The following RAB5A variants were observed in gnomAD, a reference collection of about 807,000 sequenced individuals.
RAB5A encodes ras-related protein Rab-5A.
RAB5A carries 8 observed loss-of-function variants against 25.7 expected under a neutral mutation model. The observed-to-expected ratio is 0.31, with a 90% CI of 0.18 to 0.56. The LOEUF is 0.56. Among genes scored for constraint, RAB5A ranks in the 20% least tolerant of loss-of-function variants. The probability of loss-of-function intolerance (pLI) is 0.91; values close to 1 mark genes in which losing one functional copy is unlikely to be tolerated. For missense variants in RAB5A, 192 were observed against 259.7 expected, an observed-to-expected ratio of 0.74 and a Z score of 1.79; for synonymous variants, 98 against 89.8, an observed-to-expected ratio of 1.09 and a Z score of -0.52.
intron 1 of RAB5A, 48 bp from the exon 2 acceptor site, chr3:19,950,758 A>G: frequency 1.3e-6 from 1 of 789,594 alleles, no homozygotes; most frequent in East Asian, 2.7e-5. Context: ...TTAATAGTAA[A>G]TTTGCTTTAC....
chr3:19,974,345 G>C (rs1696792164), intron 2 of RAB5A, among the ~76,000 whole-genome samples: 2 of 152,010 alleles, frequency 1.3e-5, no homozygotes, highest in Non-Finnish European at 2.9e-5. Context: ...AGTAGAGACA[G>C]GGTTTCACCA....
In RAB5A at chr3:19,978,383, A is replaced by T. The variant is rs1559492752; in HGVS notation, c.512A>T (p.Asn171Ile). The change falls in exon 5 of 6, where the codon AAT becomes ATT. Residue 171 changes from asparagine (N) to isoleucine (I), a missense_variant. Around this residue, in one of 3 missense-constraint regions of RAB5A, gnomAD observed 121 missense variants for 135.7 expected, o/e 0.89. Transcript: ENST00000273047. ...TCCGCTAAAACATCAATGAATGTAA[A>T]TGAAATATTCATGGCAATAGGTAAG... The part of the protein sequence containing the change: ...ETSAKTSMNV[N>I]EIFMAIAKKL... 1 of 1,594,524 alleles carries T rather than the reference A, an allele frequency of 6.3e-7. No individual in the cohort carries two copies. Among genetic ancestry groups the T allele is most frequent in the Non-Finnish European group, 8.6e-7 (1 of 1,162,418 alleles).
At position 19,950,864 on chromosome 3, in the gene RAB5A, G is replaced by A; in HGVS notation, c.-35G>A. 1 of 1,582,598 alleles carries A rather than the reference G, an allele frequency of 6.3e-7. No individual in the cohort carries two copies. The highest frequency in any genetic ancestry group is 8.6e-7 in the Non-Finnish European group (1 of 1,161,968). ...CCTTGAATTCTGGAAGTTCATTGAA[G>A]AGTCTGAAATTAGGGACTTATTTCA... On this transcript the variant is annotated 5_prime_UTR_variant, in exon 2 of 6. Transcript: ENST00000273047.
At chr3:19,973,908 G>A (rs1297236959) in intron 2 of RAB5A, among the ~76,000 whole-genome samples, 2 of 152,034 alleles carry the variant, frequency 1.3e-5, no homozygotes, top group African/African-American at 2.4e-5. Context: ...CTCTATCAAC[G>A]TCACTAGATA....
At chr3:19,948,442 A>G (rs1696366357) in intron 1 of RAB5A, among the ~76,000 whole-genome samples, 1 of 152,248 alleles carries the variant, frequency 6.6e-6, no homozygotes, top group African/African-American at 2.4e-5. Context: ...GCCTGGCACA[A>G]AATAAGTGCC....
chr3:19,951,909 C>T (rs1696430516), intron 2 of RAB5A, among the ~76,000 whole-genome samples: 1 of 151,616 alleles, frequency 6.6e-6, no homozygotes, highest in Admixed American at 6.6e-5. Context: ...AAAATGGAAC[C>T]TGAAGAAAAA....
At chr3:19,978,278 C>T in intron 4 of RAB5A, 32 bp from the exon 5 acceptor site, 1 of 1,345,958 alleles carries the variant, frequency 7.4e-7, no homozygotes, top group Non-Finnish European at 1.1e-6. Flanking sequence ...AGAGATATAT[C>T]TCATATATCT....
At chr3:19,963,835 T>TG (rs1312083770) in intron 2 of RAB5A, among the ~76,000 whole-genome samples, 2 of 152,116 alleles carry the variant, frequency 1.3e-5, no homozygotes, top group Admixed American at 1.3e-4. Context: ...GATGGAGTCT[T>TG]GCTATGTTGC....
At chr3:19,953,606 C>G (rs899645538) in intron 2 of RAB5A, among the ~76,000 whole-genome samples, 1 of 152,106 alleles carries the variant, frequency 6.6e-6, no homozygotes, top group South Asian at 2.1e-4. Flanking sequence ...TGGGGTTTCA[C>G]CATGTCGGTC....
At chr3:19,948,058 C>A (rs1696355665) in intron 1 of RAB5A, among the ~76,000 whole-genome samples, 1 of 152,016 alleles carries the variant, frequency 6.6e-6, no homozygotes, top group Non-Finnish European at 1.5e-5. Context: ...GGAGGCTCGT[C>A]AAAATAGGCT....
At position 19,966,218 on chromosome 3, in the gene RAB5A, A is replaced by G. The variant is rs1696660470; in HGVS notation, c.164-9383A>G. Among the ~76,000 whole-genome samples, 4 of 152,188 alleles carry G rather than the reference A, an allele frequency of 2.6e-5. No homozygotes were observed. In the South Asian group the frequency reaches 8.3e-4, roughly 32 times the overall value. Reference sequence around the variant, plus strand: ...CTACCCCTTCTTCCCGTGTCTGGCAACTACCATTCACCTTTTTCTCTCTGA... The same window carrying G: ...CTACCCCTTCTTCCCGTGTCTGGCAGCTACCATTCACCTTTTTCTCTCTGA... On this transcript the variant is annotated intron_variant, in intron 2 of 5. Transcript: ENST00000273047.
intron 2 of RAB5A, among the ~76,000 whole-genome samples, chr3:19,960,317 T>A (rs1696566826): frequency 6.6e-6 from 1 of 152,082 alleles, no homozygotes; most frequent in Admixed American, 6.5e-5. Context: ...AGGTTTTTGT[T>A]TTTGAGATGG....
intron 2 of RAB5A, among the ~76,000 whole-genome samples, chr3:19,970,228 T>C (rs1696725666): frequency 6.6e-6 from 1 of 152,206 alleles, no homozygotes; most frequent in Non-Finnish European, 1.5e-5. Context: ...TAATCTTTGG[T>C]TTAATGCCAT....
intron 2 of RAB5A, among the ~76,000 whole-genome samples, chr3:19,967,805 G>T (rs1696681927): frequency 6.6e-6 from 1 of 151,840 alleles, no homozygotes; most frequent in African/African-American, 2.4e-5. Context: ...CACATTAATT[G>T]CAATGTAACT....
Position 19,985,167 on chromosome 3 carries a change from A to T in RAB5A, c.*1344A>T. 2.0e-6 allele frequency: 1 copy of T among 490,952 alleles called. No homozygotes were observed. The highest frequency in any genetic ancestry group is 3.5e-6 in the Non-Finnish European group (1 of 282,722). 30.4% of individuals were successfully genotyped at this position (490,952 alleles called of 1,614,324 possible). A position where few individuals can be genotyped will look rare whatever the true frequency, so the allele number is the denominator to read the frequency against. On this transcript the variant is annotated 3_prime_UTR_variant, in exon 6 of 6. Coordinates refer to ENST00000273047, the MANE Select transcript of RAB5A (RefSeq NM_004162.5). ...TGCTCAGGTTGGAATAAAGTGGTAT[A>T]AAAAGCAAGTATCGGCTTTTCTCTT...
chr3:19,951,700 A>AGTTTTTTTTT (rs1229085944), intron 2 of RAB5A, among the ~76,000 whole-genome samples: 26 of 26,758 alleles, frequency 9.7e-4, no homozygotes, highest in African/African-American at 2.6e-3. Flanking sequence ...ATGCCAGGCA[A>AGTTTTTTTTT]GTTTTTTTTT....
In RAB5A at chr3:19,984,030, G is replaced by GA. The variant is rs1430551516; in HGVS notation, c.*212dup. 1 of 510,114 alleles carries GA rather than the reference G, an allele frequency of 2.0e-6. No homozygotes were observed. The highest frequency in any genetic ancestry group is 3.6e-6 in the Non-Finnish European group (1 of 278,424). 31.6% of individuals were successfully genotyped at this position (510,114 alleles called of 1,614,324 possible). ...CTCTCACTAATGTTTCAACAATAGG[G>GA]AAAAATGAGAACTATGTGGACACTT... On this transcript the variant is annotated 3_prime_UTR_variant, in exon 6 of 6. Coordinates refer to ENST00000273047, the MANE Select transcript of RAB5A (RefSeq NM_004162.5).
At chr3:19,968,570 T>C (rs1183131352) in intron 2 of RAB5A, among the ~76,000 whole-genome samples, 5 of 152,202 alleles carry the variant, frequency 3.3e-5, no homozygotes, top group African/African-American at 9.7e-5. Flanking sequence ...GGTATTCTTA[T>C]GCCTCAGCCT....
intron 1 of RAB5A, among the ~76,000 whole-genome samples, chr3:19,948,116 A>G (rs1696357773): frequency 6.6e-6 from 1 of 152,122 alleles, no homozygotes; most frequent in Admixed American, 6.5e-5. Context: ...TACAGCGTTA[A>G]ATAAATTCAA....
Sources: allele counts gnomAD v4.1 joint callset (sites outside exome capture counted in the v4.1 genomes callset), GRCh38; gene constraint gnomAD v4.1.1; regional missense constraint gnomAD v4.1.1; transcripts MANE v1.5; gene names NCBI Gene and HGNC (gene_info 2026-07-23, HGNC 2026-07-21).